The following GRIN2A variants were observed in gnomAD, a reference collection of about 807,000 sequenced individuals.
GRIN2A encodes the protein glutamate ionotropic receptor NMDA type subunit 2A, also known as glutamate receptor ionotropic, NMDA 2A.
In GRIN2A, 22 loss-of-function variants were observed where a neutral mutation model predicts 113.4. The ratio of observed to expected loss-of-function variants is 0.19; its 90% CI spans 0.14 to 0.28. The LOEUF is 0.28. Ranked by LOEUF, GRIN2A falls within the 10% of genes least tolerant of loss-of-function variation. The probability of loss-of-function intolerance (pLI) is 1.00; values close to 1 mark genes in which losing one functional copy is unlikely to be tolerated. For synonymous variants in GRIN2A, 827 were observed against 738.4 expected, an observed-to-expected ratio of 1.12 and a Z score of -1.94; for missense variants, 1,502 against 1,887.0, an observed-to-expected ratio of 0.80 and a Z score of 3.78.
rs2141132823 is a variant in GRIN2A, at chr16:9,764,164, C to G, written c.3380G>C (p.Gly1127Ala). The change falls in exon 13 of 13, where the codon GGT becomes GCT. Residue 1127 changes from glycine to alanine, a missense_variant. Around this residue, in one of 7 missense-constraint regions of GRIN2A, gnomAD observed 832 missense variants for 789.7 expected, o/e 1.05. Transcript: ENST00000330684. ...IYTIDGEKEP[G>A]FHLDPPQFVE... ...AAACTGGGGTGGATCTAAGTGGAAA[C>G]CAGGCTCCTTCTCACCATCTATAGT... The G allele has an allele frequency of 6.2e-7, 1 of 1,613,384 alleles. No individual in the cohort carries two copies. Among genetic ancestry groups the G allele is most frequent in the Non-Finnish European group, 8.5e-7 (1 of 1,179,560 alleles).
intron 3 of GRIN2A, among the ~76,000 whole-genome samples, chr16:9,923,736 C>T (rs1407992739): frequency 6.6e-6 from 1 of 152,130 alleles, no homozygotes; most frequent in Admixed American, 6.6e-5. Flanking sequence ...CTATTGTTGT[C>T]ATATTTACTT....
chr16:10,161,484 C>G (rs148983028), intron 2 of GRIN2A, among the ~76,000 whole-genome samples: 5 of 152,172 alleles, frequency 3.3e-5, no homozygotes, highest in Admixed American at 3.3e-4. Flanking sequence ...GCCTTAGTAC[C>G]AACATAGTTA....
intron 11 of GRIN2A, among the ~76,000 whole-genome samples, chr16:9,781,295 C>T (rs1182605336): frequency 4.6e-5 from 7 of 152,152 alleles, no homozygotes; most frequent in African/African-American, 1.7e-4. Context: ...ACTGTAATGC[C>T]TAATGCTGCT....
At chr16:9,996,830 G>A (rs1254855255) in intron 2 of GRIN2A, among the ~76,000 whole-genome samples, 2 of 152,124 alleles carry the variant, frequency 1.3e-5, no homozygotes, top group African/African-American at 4.8e-5. Context: ...AGGACTCACA[G>A]TTCTTAACAA....
chr16:9,774,221 A>G (rs763069435), intron 11 of GRIN2A, among the ~76,000 whole-genome samples: 3 of 152,232 alleles, frequency 2.0e-5, no homozygotes, highest in Non-Finnish European at 1.5e-5. Flanking sequence ...ATTTGCAAAA[A>G]GGAATGAAAG....
chr16:9,822,638 A>G, intron 9 of GRIN2A, among the ~76,000 whole-genome samples: 1 of 152,248 alleles, frequency 6.6e-6, no homozygotes, highest in Non-Finnish European at 1.5e-5. Flanking sequence ...AGGAGGGTGG[A>G]CACAGCATCT....
chr16:9,989,305 A>T (rs933769805), intron 2 of GRIN2A, among the ~76,000 whole-genome samples: 2 of 152,192 alleles, frequency 1.3e-5, no homozygotes, highest in African/African-American at 4.8e-5. Context: ...ACCCCCATCC[A>T]ATAAATGGTG....
rs1470855515 is a variant in GRIN2A at position 10,159,671 on chromosome 16, G to A, written c.414+20327C>T. On this transcript the variant is annotated intron_variant, in intron 2 of 12. Coordinates refer to ENST00000330684, the MANE Select transcript of GRIN2A (RefSeq NM_001134407.3). ...AAGGTAAGGTCCAGAAGGGAGAGAG[G>A]AAGGAAGAAGATACACTATAAAGGT... 3.9e-5 allele frequency among the ~76,000 whole-genome samples: 6 copies of A among 152,106 alleles called. No individual in the cohort carries two copies. In the East Asian group the frequency reaches 1.2e-3, roughly 29 times the overall value.
chr16:10,111,469 C>T (rs7189495), intron 2 of GRIN2A: 187,445 of 625,444 alleles, frequency 0.3, 29,172 homozygotes, highest in East Asian at 0.44. Context: ...CGCCAACTGC[C>T]GCACCCACAA....
At chr16:9,912,054 C>T (rs1167949836) in intron 3 of GRIN2A, among the ~76,000 whole-genome samples, 1 of 151,986 alleles carries the variant, frequency 6.6e-6, no homozygotes, top group African/African-American at 2.4e-5. Flanking sequence ...TGCTGGCACA[C>T]AGTGAGCACA....
intron 2 of GRIN2A, among the ~76,000 whole-genome samples, chr16:10,036,693 A>G (rs12443703): frequency 0.23 from 33,910 of 150,624 alleles, 4,587 homozygotes; most frequent in East Asian, 0.52. Flanking sequence ...TGATCCGCCC[A>G]CCTCGGCCTC....
chr16:9,959,801 C>A (rs2045395598), intron 2 of GRIN2A, among the ~76,000 whole-genome samples: 1 of 152,162 alleles, frequency 6.6e-6, no homozygotes. Flanking sequence ...TGGTGAAACC[C>A]CATCTCTACT....
At chr16:9,775,658 G>T (rs1901549617) in intron 11 of GRIN2A, among the ~76,000 whole-genome samples, 1 of 152,256 alleles carries the variant, frequency 6.6e-6, no homozygotes, top group Non-Finnish European at 1.5e-5. Flanking sequence ...AAGAGTAGAA[G>T]CCAGAATGCT....
At chr16:9,962,917 T>C (rs1238314468) in intron 2 of GRIN2A, among the ~76,000 whole-genome samples, 2 of 151,980 alleles carry the variant, frequency 1.3e-5, no homozygotes, top group African/African-American at 2.4e-5. Flanking sequence ...GTGGCACATA[T>C]ACACCATGGA....
At chr16:10,110,710 T>C (rs552694875) in intron 2 of GRIN2A, among the ~76,000 whole-genome samples, 4 of 152,370 alleles carry the variant, frequency 2.6e-5, no homozygotes, top group African/African-American at 9.6e-5. Flanking sequence ...TCCGTTTTCC[T>C]CCTGGGAATA....
chr16:9,974,236 T>G (rs1306768684), intron 2 of GRIN2A, among the ~76,000 whole-genome samples: 1 of 152,156 alleles, frequency 6.6e-6, no homozygotes, highest in Non-Finnish European at 1.5e-5. Context: ...CTAAAGGCAG[T>G]TAGCCTGGTG....
intron 4 of GRIN2A, among the ~76,000 whole-genome samples, chr16:9,890,737 C>A (rs1716773007): frequency 6.6e-6 from 1 of 152,172 alleles, no homozygotes; most frequent in Non-Finnish European, 1.5e-5. Flanking sequence ...TAGTTCAGAC[C>A]TTTCCTACTG....
At chr16:9,803,916 A>G (rs575460176) in intron 10 of GRIN2A, among the ~76,000 whole-genome samples, 3 of 152,332 alleles carry the variant, frequency 2.0e-5, no homozygotes, top group Admixed American at 6.5e-5. Flanking sequence ...TTAGCTATAA[A>G]TAAGCCAAAT....
intron 2 of GRIN2A, among the ~76,000 whole-genome samples, chr16:10,111,112 T>C (rs1388702380): frequency 6.6e-6 from 1 of 152,248 alleles, no homozygotes; most frequent in African/African-American, 2.4e-5. Flanking sequence ...TTCAAGGGAT[T>C]TGTTCAATTC....
Sources: allele counts gnomAD v4.1 joint callset (sites outside exome capture counted in the v4.1 genomes callset), GRCh38; gene constraint gnomAD v4.1.1; regional missense constraint gnomAD v4.1.1; transcripts MANE v1.5; gene names NCBI Gene and HGNC (gene_info 2026-07-23, HGNC 2026-07-21).